Variants in COPG2 observed in about 807,000 individuals in gnomAD.
The protein encoded by COPG2 is coat protein complex I subunit gamma 2.
In COPG2, 37 loss-of-function variants were observed where a neutral mutation model predicts 46.3. That is an observed-to-expected ratio of 0.80 (90% CI 0.61 to 1.05). COPG2 has a LOEUF of 1.05. Ranked by LOEUF, COPG2 falls within the 50% of genes least tolerant of loss-of-function variation. COPG2 has a pLI of 0.00. For missense variants in COPG2, 427 were observed against 387.8 expected, an observed-to-expected ratio of 1.10 and a Z score of -0.85; for synonymous variants, 159 against 129.7, an observed-to-expected ratio of 1.23 and a Z score of -1.53.
intron 9 of COPG2, among the ~76,000 whole-genome samples, chr7:130,586,742 G>A (rs558591916): frequency 5.3e-5 from 8 of 152,016 alleles, no homozygotes; most frequent in South Asian, 2.1e-4. Flanking sequence ...GATTACAGGC[G>A]TGAGCCACCG....
intron 9 of COPG2, among the ~76,000 whole-genome samples, chr7:130,573,550 T>C (rs964570960): frequency 2.7e-4 from 41 of 152,120 alleles, no homozygotes; most frequent in African/African-American, 9.6e-4. Context: ...GAAAATCACA[T>C]TATATATTAC....
At chr7:130,628,924 T>C (rs1791272003) in intron 5 of COPG2, among the ~76,000 whole-genome samples, 1 of 152,186 alleles carries the variant, frequency 6.6e-6, no homozygotes, top group Non-Finnish European at 1.5e-5. Context: ...AGTGTTCGCC[T>C]GTAGTCCTAG....
intron 4 of COPG2, among the ~76,000 whole-genome samples, 172 bp from the exon 5 acceptor site, chr7:130,653,120 A>G (rs1295408786): frequency 1.3e-5 from 2 of 152,226 alleles, no homozygotes; most frequent in African/African-American, 2.4e-5. Context: ...CAGAATACTA[A>G]TATTTCCTAA....
At chr7:130,656,595 GC>G (rs1452769756) in intron 4 of COPG2, among the ~76,000 whole-genome samples, 15 of 152,196 alleles carry the variant, frequency 9.9e-5, no homozygotes, top group Middle Eastern at 3.4e-3. Flanking sequence ...GAAGACAGCT[GC>G]AATAGTGAAC....
intron 1 of COPG2, 69 bp from the exon 2 acceptor site, chr7:130,667,603 G>T: frequency 8.0e-7 from 1 of 1,253,500 alleles, no homozygotes; most frequent in South Asian, 1.2e-5. Flanking sequence ...ACTTTCCAGA[G>T]AAGGGTACTG....
intron 20 of COPG2, among the ~76,000 whole-genome samples, chr7:130,532,458 C>T (rs1289816391): frequency 6.6e-6 from 1 of 151,786 alleles, no homozygotes; most frequent in Non-Finnish European, 1.5e-5. Context: ...AGGGAGGAGG[C>T]AGGAGGAGGG....
chr7:130,668,619 G>T lies in COPG2; in HGVS notation c.37+13C>A, dbSNP rs1554461970. ...CCGCGGCTGAGGGTGGGCCTCGGAA[G>T]CCCCGCGCGTACCAGACTCCTCGTC... On this transcript the variant is annotated intron_variant, in intron 1 of 23. Coordinates refer to ENST00000425248, the MANE Select transcript of COPG2 (RefSeq NM_012133.6). 6.5e-7 allele frequency: 1 copy of T among 1,528,632 alleles called. No homozygotes were observed. Among genetic ancestry groups the T allele is most frequent in the Non-Finnish European group, 8.8e-7 (1 of 1,139,714 alleles). The allele number at this position is 1,528,632 out of a possible 1,614,324, so 94.7% of individuals were successfully genotyped here.
chr7:130,591,837 C>T (rs1453376641), intron 9 of COPG2, among the ~76,000 whole-genome samples: 2 of 151,692 alleles, frequency 1.3e-5, no homozygotes, highest in African/African-American at 2.4e-5. Context: ...GCGCCTCTGT[C>T]CGGCCACCCC....
chr7:130,597,203 A>T (rs1341957026), intron 9 of COPG2, among the ~76,000 whole-genome samples: 1 of 152,192 alleles, frequency 6.6e-6, no homozygotes, highest in Non-Finnish European at 1.5e-5. Context: ...CAGAAGGAGC[A>T]GAGCCCTGCT....
At chr7:130,666,753 A>T in intron 3 of COPG2, 96 bp downstream of exon 3, 1 of 654,578 alleles carries the variant, frequency 1.5e-6, no homozygotes, top group Non-Finnish European at 2.6e-6. Flanking sequence ...AAGTGAATTT[A>T]AAATAAATAA....
intron 5 of COPG2, among the ~76,000 whole-genome samples, chr7:130,650,594 C>T (rs1456901440): frequency 3.3e-5 from 5 of 151,912 alleles, no homozygotes; most frequent in Middle Eastern, 3.2e-3. Context: ...TTAACTAATC[C>T]GACATCCATT....
chr7:130,587,967 C>T (rs1476266430), intron 9 of COPG2, among the ~76,000 whole-genome samples: 1 of 152,076 alleles, frequency 6.6e-6, no homozygotes, highest in Admixed American at 6.6e-5. Context: ...CAAACAACCC[C>T]ATCAAAAAGT....
intron 9 of COPG2, among the ~76,000 whole-genome samples, chr7:130,580,269 C>A (rs375225343): frequency 0.14 from 20,398 of 150,278 alleles, 2,414 homozygotes; most frequent in African/African-American, 0.32. Context: ...GAAATGAAGG[C>A]AGAAATAAAG....
At chr7:130,625,625 C>A (rs531308683) in intron 5 of COPG2, among the ~76,000 whole-genome samples, 1 of 150,516 alleles carries the variant, frequency 6.6e-6, no homozygotes, top group South Asian at 2.1e-4. Flanking sequence ...TTTTACATTT[C>A]TTCTGTTTCT....
chr7:130,583,047 C>T (rs1473794623), intron 9 of COPG2, among the ~76,000 whole-genome samples: 6 of 150,984 alleles, frequency 4.0e-5, no homozygotes, highest in East Asian at 1.9e-4. Flanking sequence ...CACATGCACA[C>T]GTATGTTTAT....
At chr7:130,543,063 G>T (rs1411363621) in intron 20 of COPG2, among the ~76,000 whole-genome samples, 1 of 152,132 alleles carries the variant, frequency 6.6e-6, no homozygotes, top group Non-Finnish European at 1.5e-5. Context: ...CCTTATAGAG[G>T]GTGATGGTAA....
intron 9 of COPG2, among the ~76,000 whole-genome samples, chr7:130,606,258 GAAAGAA>G (rs1459840703): frequency 2.4e-3 from 348 of 145,160 alleles, no homozygotes; most frequent in Non-Finnish European, 3.3e-3. Flanking sequence ...GAGAGAGAGA[GAAAGAA>G]AGAGAAAGAG....
intron 3 of COPG2, among the ~76,000 whole-genome samples, chr7:130,663,373 G>A (rs1796015060): frequency 6.6e-6 from 1 of 152,092 alleles, no homozygotes; most frequent in African/African-American, 2.4e-5. Context: ...ACTCACAATA[G>A]GACATTATTA....
At chr7:130,546,668 CACAGATAAGACTGG>C (rs1793449381) in intron 20 of COPG2, 1 of 152,214 alleles carries the variant, frequency 6.6e-6, no homozygotes, top group Non-Finnish European at 1.5e-5. Context: ...TATCACCCAA[CACAGATAAGACTGG>C]ACAGGGGCTC....
Sources: gnomAD v4.1 joint callset for allele counts (sites outside exome capture counted in the v4.1 genomes callset) on GRCh38, gnomAD v4.1.1 for gene constraint, MANE v1.5 for transcripts, NCBI Gene and HGNC (gene_info 2026-07-23, HGNC 2026-07-21) for gene names.